The following NCKAP5 variants were observed in gnomAD, a reference collection of about 807,000 sequenced individuals.
NCKAP5 encodes the protein NCK associated protein 5, also known as nck-associated protein 5.
In NCKAP5, 92 loss-of-function variants were observed where a neutral mutation model predicts 167.0. That is an observed-to-expected ratio of 0.55 (90% confidence interval 0.47 to 0.66). NCKAP5 has a LOEUF of 0.66. Ranked by LOEUF, NCKAP5 falls within the 30% of genes least tolerant of loss-of-function variation. The pLI, the probability that NCKAP5 is intolerant of heterozygous loss-of-function variation, is 0.00. For missense variants in NCKAP5, 2,378 were observed against 2,315.0 expected (o/e 1.03, Z -0.56); for synonymous variants, 891 against 877.4 (o/e 1.02, Z -0.27).
At chr2:133,542,157 A>T (rs1252309759) in intron 2 of NCKAP5, among the ~76,000 whole-genome samples, 1 of 152,178 alleles carries the variant, frequency 6.6e-6, no homozygotes, top group African/African-American at 2.4e-5. Flanking sequence ...CTAAACATAG[A>T]AAAGCTGTTC....
intron 3 of NCKAP5, among the ~76,000 whole-genome samples, chr2:133,417,419 G>A (rs989761254): frequency 1.3e-5 from 2 of 152,216 alleles, no homozygotes; most frequent in African/African-American, 4.8e-5. Flanking sequence ...GCCTGGAATC[G>A]ACCCCAGGCC....
intron 19 of NCKAP5, among the ~76,000 whole-genome samples, chr2:132,721,432 G>T (rs1689918706): frequency 6.6e-6 from 1 of 152,164 alleles, no homozygotes; most frequent in Non-Finnish European, 1.5e-5. Flanking sequence ...ATTCCATCCT[G>T]CAGGTTGGGG....
At chr2:133,082,578 C>A (rs939226276) in intron 6 of NCKAP5, among the ~76,000 whole-genome samples, 1 of 152,128 alleles carries the variant, frequency 6.6e-6, no homozygotes, top group African/African-American at 2.4e-5. Context: ...TTCCATCTTT[C>A]TTACCCACTT....
chr2:133,187,245 G>C (rs2084987061), intron 5 of NCKAP5, among the ~76,000 whole-genome samples: 1 of 151,916 alleles, frequency 6.6e-6, no homozygotes, highest in African/African-American at 2.4e-5. Context: ...TAATTTCCAG[G>C]CTTTTGTATA....
chr2:133,157,840 T>TA (rs1299443249), intron 5 of NCKAP5, among the ~76,000 whole-genome samples: 4 of 152,196 alleles, frequency 2.6e-5, no homozygotes, highest in Admixed American at 1.3e-4. Flanking sequence ...ATGTTTTCAT[T>TA]AAAAAATCCA....
At chr2:132,772,705 T>C (rs1348587198) in intron 16 of NCKAP5, among the ~76,000 whole-genome samples, 2 of 152,236 alleles carry the variant, frequency 1.3e-5, no homozygotes, top group Non-Finnish European at 1.5e-5. Context: ...CTACACTCTT[T>C]CAGCTGTTTG....
At chr2:132,759,306 A>G (rs1319827739) in intron 16 of NCKAP5, among the ~76,000 whole-genome samples, 17 of 152,150 alleles carry the variant, frequency 1.1e-4, no homozygotes, top group Non-Finnish European at 2.5e-4. Flanking sequence ...TGTTACCACA[A>G]TCACTGTGCT....
At chr2:133,413,321 G>A (rs1688891991) in intron 3 of NCKAP5, among the ~76,000 whole-genome samples, 1 of 152,198 alleles carries the variant, frequency 6.6e-6, no homozygotes, top group Non-Finnish European at 1.5e-5. Flanking sequence ...GGCATGGGCT[G>A]GTCCCCTAAA....
In NCKAP5 at chr2:132,672,842, G is replaced by T; in HGVS notation, c.*447C>A. 4 of 419,784 alleles carry T rather than the reference G, an allele frequency of 9.5e-6. No individual in the cohort carries two copies. The highest frequency in any genetic ancestry group is 1.3e-5 in the Non-Finnish European group (4 of 312,728). The allele number at this position is 419,784 out of a possible 1,614,324, so 26.0% of individuals were successfully genotyped here. A position where few individuals can be genotyped will look rare whatever the true frequency, so the allele number is the denominator to read the frequency against. On this transcript the variant is annotated 3_prime_UTR_variant, in exon 20 of 20. Transcript: ENST00000409261. ...ATCCTCTTGAAACACAATAAATGGA[G>T]TCTATCTTTATTGCCCTGTCAGAGA...
At chr2:133,342,192 G>A (rs1252856107) in intron 3 of NCKAP5, among the ~76,000 whole-genome samples, 1 of 152,240 alleles carries the variant, frequency 6.6e-6, no homozygotes, top group South Asian at 2.1e-4. Flanking sequence ...GCCCGCCTCG[G>A]CCTCCCAAAG....
At chr2:133,116,270 G>C in intron 6 of NCKAP5, among the ~76,000 whole-genome samples, 1 of 86,122 alleles carries the variant, frequency 1.2e-5, no homozygotes. Context: ...GGCGGATCAC[G>C]AGGTCAGGAG....
At chr2:133,237,580 T>C in intron 4 of NCKAP5, among the ~76,000 whole-genome samples, 1 of 152,226 alleles carries the variant, frequency 6.6e-6, no homozygotes, top group East Asian at 1.9e-4. Context: ...AAGCAGATAC[T>C]GAACAGCCTT....
chr2:132,834,686 G>C (rs1044680791), intron 11 of NCKAP5, among the ~76,000 whole-genome samples: 1 of 152,000 alleles, frequency 6.6e-6, no homozygotes, highest in African/African-American at 2.4e-5. Context: ...ACAAGGTCTT[G>C]CTATGTTGCC....
intron 11 of NCKAP5, among the ~76,000 whole-genome samples, chr2:132,837,409 A>C (rs1687969418): frequency 6.6e-6 from 1 of 152,046 alleles, no homozygotes; most frequent in Non-Finnish European, 1.5e-5. Flanking sequence ...TTTTGAACTC[A>C]AATTTTTTAT....
At chr2:133,653,578 C>CA in the NCKAP5 span, among the ~76,000 whole-genome samples, 3 of 152,192 alleles carry the variant, frequency 2.0e-5, no homozygotes, top group Non-Finnish European at 4.4e-5. Flanking sequence ...GACCCTATTA[C>CA]AAATCACCTT....
In NCKAP5 at chr2:133,129,972, C is replaced by G. The variant is rs903923415; in HGVS notation, c.341+6G>C. ...AGGAAGCAATCTGCTCAGCTAAGAA[C>G]AATACCTGGAGAACTGCTGCTGCAA... is the stretch of plus-strand genomic sequence containing the variant. On this transcript the variant is annotated splice_donor_region_variant and intron_variant, in intron 6 of 19. Transcript: ENST00000409261. The G allele has an allele frequency of 1.2e-6, 2 of 1,600,968 alleles. No individual in the cohort carries two copies. Among genetic ancestry groups the G allele is most frequent in the Middle Eastern group, 1.7e-4 (1 of 6,026 alleles).
At chr2:133,268,871 A>C (rs1376688236) in intron 4 of NCKAP5, 1 of 152,220 alleles carries the variant, frequency 6.6e-6, no homozygotes, top group Non-Finnish European at 1.5e-5. Context: ...TAAAATTAAC[A>C]TGGTGCCAAG....
At chr2:132,830,978 C>T (rs1293509716) in intron 11 of NCKAP5, among the ~76,000 whole-genome samples, 1 of 152,102 alleles carries the variant, frequency 6.6e-6, no homozygotes, top group Non-Finnish European at 1.5e-5. Context: ...GTGGATCCTT[C>T]CAGAACACTT....
At chr2:132,725,484 T>C (rs1690360336) in intron 19 of NCKAP5, 143 bp downstream of exon 19, 2 of 989,836 alleles carry the variant, frequency 2.0e-6, no homozygotes, top group East Asian at 2.7e-5. Context: ...ATCTTCTGTA[T>C]GTACCAGAAA....
Sources: allele counts gnomAD v4.1 joint callset (sites outside exome capture counted in the v4.1 genomes callset), GRCh38; gene constraint gnomAD v4.1.1; transcripts MANE v1.5; gene names NCBI Gene and HGNC (gene_info 2026-07-23, HGNC 2026-07-21).